FNBP4: variants seen among roughly 807,000 people sequenced by gnomAD.
FNBP4 encodes the protein formin binding protein 4, also known as formin-binding protein 4.
A neutral mutation model predicts 119.3 loss-of-function variants in FNBP4; 34 were observed. That is an observed-to-expected ratio of 0.28 (90% CI 0.22 to 0.38). The LOEUF is 0.38. Ranked by LOEUF, FNBP4 falls within the 10% of genes least tolerant of loss-of-function variation. The probability of loss-of-function intolerance (pLI) is 1.00; values close to 1 mark genes in which losing one functional copy is unlikely to be tolerated. For synonymous variants in FNBP4, 462 were observed against 430.6 expected (o/e 1.07, Z -0.90); for missense variants, 1,112 against 1,228.9 (o/e 0.90, Z 1.42).
rs763161901 is a variant in FNBP4 at position 47,743,945 on chromosome 11, CA to C, written c.1456+7del. On this transcript the variant is annotated splice_region_variant and intron_variant, in intron 8 of 16. Transcript: ENST00000263773. ...CAACTCTGAAGTTTAATGTGAAGCA[CA>C]AATTACCAGTTTCTCCATTTTCTGG... 7.4e-6 allele frequency: 12 copies of C among 1,612,908 alleles called. No individual in the cohort carries two copies. The highest frequency in any genetic ancestry group is 1.3e-5 in the African/African-American group (1 of 74,896).
At chr11:47,743,879 A>G (rs1161410509) in intron 8 of FNBP4, 74 bp downstream of exon 8, 5 of 1,378,542 alleles carry the variant, frequency 3.6e-6, no homozygotes, top group Non-Finnish European at 5.1e-6. Context: ...GTTGAAGAGG[A>G]AACAAAAAAA....
chr11:47,719,576 ATGTGTGTGTG>A (rs66711141), intron 16 of FNBP4, among the ~76,000 whole-genome samples: 1,835 of 147,650 alleles, frequency 0.012, 16 homozygotes, highest in Non-Finnish European at 0.018. Flanking sequence ...TTATGTGTGT[ATGTGTGTGTG>A]TGTGTGTGTG....
At chr11:47,741,273 T>G (rs961407779) in intron 8 of FNBP4, among the ~76,000 whole-genome samples, 4 of 151,564 alleles carry the variant, frequency 2.6e-5, no homozygotes, top group Admixed American at 6.6e-5. Context: ...GGGCTCAAGC[T>G]ATCTTCCTCC....
At chr11:47,742,477 CAAAAAAAAAAA>C (rs568784009) in intron 8 of FNBP4, among the ~76,000 whole-genome samples, 45 of 23,762 alleles carry the variant, frequency 1.9e-3, no homozygotes, top group Non-Finnish European at 2.4e-3. Context: ...GACTCCGTCT[CAAAAAAAAAAA>C]AAAAAAAAAA....
chr11:47,724,977 T>C (rs1442532937), intron 12 of FNBP4, 199 bp from the exon 13 acceptor site: 13 of 515,730 alleles, frequency 2.5e-5, no homozygotes, highest in Middle Eastern at 5.2e-4. Flanking sequence ...ATCTATTCTA[T>C]ACTGATATCG....
intron 12 of FNBP4, chr11:47,725,131 C>T (rs758199377): frequency 1.9e-4 from 32 of 170,084 alleles, no homozygotes; most frequent in African/African-American, 4.5e-4. Context: ...ATCAACTCAA[C>T]GAGAAATGCA....
rs780064080 is a variant in FNBP4 at position 47,751,245 on chromosome 11, G to A, written c.683C>T (p.Thr228Met). 6.8e-6 allele frequency: 11 copies of A among 1,613,958 alleles called. No individual in the cohort carries two copies. Among genetic ancestry groups the A allele is most frequent in the Middle Eastern group, 1.6e-4 (1 of 6,062 alleles). Residue 228 changes from threonine to methionine, a missense_variant, in exon 5 of 17, where the codon ACG becomes ATG. This residue lies in a region of FNBP4 where 826 missense variants were observed against 988.8 expected (regional missense o/e 0.84). Transcript: ENST00000263773. The part of the protein sequence containing the change: ...GDWQEVWDEN[T>M]GCYYYWNTQT... ...TGTATTCCAATAATAATAACATCCC[G>A]TGTTCTCATCCCAGACTTCCTGCCA...
At chr11:47,740,398 T>G (rs1250088823) in intron 8 of FNBP4, among the ~76,000 whole-genome samples, 2 of 150,190 alleles carry the variant, frequency 1.3e-5, no homozygotes, top group Non-Finnish European at 3.0e-5. Flanking sequence ...GGTGACAGAG[T>G]GAGACCCCGT....
intron 12 of FNBP4, chr11:47,729,053 T>C (rs369555994): frequency 3.9e-6 from 2 of 509,250 alleles, no homozygotes; most frequent in East Asian, 1.5e-4. Flanking sequence ...GGTTTCACCA[T>C]GTTGCCCAGG....
intron 14 of FNBP4, among the ~76,000 whole-genome samples, chr11:47,723,688 CT>C (rs1256445594): frequency 6.6e-6 from 1 of 152,078 alleles, no homozygotes; most frequent in African/African-American, 2.4e-5. Flanking sequence ...CCTCAGTCTC[CT>C]GAGTAGCCGG....
Position 47,751,206 on chromosome 11 carries a change from A to C in FNBP4, c.722T>G (p.Val241Gly), listed in dbSNP as rs753434150. Reference protein sequence around the residue: ...YYYWNTQTNEVTWELPQYLAT... With the variant: ...YYYWNTQTNEGTWELPQYLAT... ...AAGATATTGGGGTAACTCCCAAGTC[A>C]CTTCATTTGTTTGTGTATTCCAATA... Residue 241 changes from valine to glycine, a missense_variant, in exon 5 of 17, where the codon GTG (valine) becomes GGG (glycine). Physicochemically the swap from Val to Gly is moderately radical, Grantham distance 109 (BLOSUM62 -3). Coordinates refer to ENST00000263773, the MANE Select transcript of FNBP4 (RefSeq NM_015308.5). 6.2e-7 allele frequency: 1 copy of C among 1,614,024 alleles called. No individual in the cohort carries two copies. Among genetic ancestry groups the C allele is most frequent in the Admixed American group, 1.7e-5 (1 of 59,978 alleles).
intron 7 of FNBP4, among the ~76,000 whole-genome samples, chr11:47,744,849 C>A (rs1436874755): frequency 6.6e-6 from 1 of 151,968 alleles, no homozygotes; most frequent in Non-Finnish European, 1.5e-5. Flanking sequence ...TTTTCTGGTA[C>A]CCATTTGTAT....
At chr11:47,728,492 G>A (rs151189700) in intron 12 of FNBP4, among the ~76,000 whole-genome samples, 57 of 152,114 alleles carry the variant, frequency 3.7e-4, no homozygotes, top group African/African-American at 1.3e-3. Flanking sequence ...TGATCTGCGC[G>A]CCTTGGCCTC....
At chr11:47,728,490 G>A (rs576374096) in intron 12 of FNBP4, among the ~76,000 whole-genome samples, 4 of 151,126 alleles carry the variant, frequency 2.6e-5, no homozygotes, top group South Asian at 2.1e-4. Flanking sequence ...AGTGATCTGC[G>A]CGCCTTGGCC....
rs182938155 is a variant in FNBP4, at chr11:47,740,833, A to G, written c.1456+3120T>C. Among the ~76,000 whole-genome samples, 375 of 150,822 alleles carry G rather than the reference A, an allele frequency of 2.5e-3. 5 individuals carry two copies. The highest frequency in any genetic ancestry group is 0.014 in the Middle Eastern group (4 of 292). ...TCTCGATCTCCTGACCTCGTGATCC[A>G]CCTGCCACGGCCTCCCAAAGTGCTG... On this transcript the variant is annotated intron_variant, in intron 8 of 16. Coordinates refer to ENST00000263773, the MANE Select transcript of FNBP4 (RefSeq NM_015308.5).
Position 47,752,952 on chromosome 11 carries a change from C to G in FNBP4, c.601G>C (p.Gly201Arg), listed in dbSNP as rs1474063580. The change falls in exon 4 of 17, where the codon GGT becomes CGT. Residue 201 changes from glycine to arginine, a missense_variant. Physicochemically the swap from Gly to Arg is moderately radical, Grantham distance 125 (BLOSUM62 -2). Transcript: ENST00000263773. ...SNGTDSTQTSGWQYDTQCSLA... is the reference protein window; with the variant it reads ...SNGTDSTQTSRWQYDTQCSLA... ...GAACACTGAGTATCATATTGCCAACCAGATGTTTGGGTGGAGTCTGTTCCA... is the reference window on the plus strand; with the variant it reads ...GAACACTGAGTATCATATTGCCAACGAGATGTTTGGGTGGAGTCTGTTCCA... The G allele has an allele frequency of 1.2e-6, 2 of 1,613,674 alleles. No individual in the cohort carries two copies. Among genetic ancestry groups the G allele is most frequent in the South Asian group, 1.1e-5 (1 of 91,050 alleles).
intron 6 of FNBP4, among the ~76,000 whole-genome samples, 185 bp from the exon 7 acceptor site, chr11:47,746,579 A>G (rs1214825134): frequency 2.0e-5 from 3 of 152,012 alleles, no homozygotes; most frequent in Non-Finnish European, 4.4e-5. Flanking sequence ...CAGTGGCACA[A>G]TCTTGGCTCA....
At chr11:47,740,524 C>T (rs2097580419) in intron 8 of FNBP4, among the ~76,000 whole-genome samples, 1 of 151,626 alleles carries the variant, frequency 6.6e-6, no homozygotes, top group Non-Finnish European at 1.5e-5. Context: ...TGACCTCTAC[C>T]CTCATGGTGC....
rs1160059750 is a variant in FNBP4 at position 47,746,199 on chromosome 11, T to C, written c.1102A>G (p.Ile368Val). ...TSTTVEEATT[I>V]VKPQEIMLDN... Reference sequence around the variant, plus strand: ...AACATAATTTCCTGTGGCTTTACTATTGTTGTTGCTTCTTCTACTGTTGTA... The same window carrying C: ...AACATAATTTCCTGTGGCTTTACTACTGTTGTTGCTTCTTCTACTGTTGTA... The change falls in exon 7 of 17, where the codon ATA becomes GTA. Residue 368 changes from isoleucine to valine, a missense_variant. By Grantham distance (29) the Ile-to-Val change is conservative. Around this residue, in one of 2 missense-constraint regions of FNBP4, gnomAD observed 826 missense variants for 988.8 expected, o/e 0.84. Coordinates refer to ENST00000263773, the MANE Select transcript of FNBP4 (RefSeq NM_015308.5). 5 of 1,614,088 alleles carry C rather than the reference T, an allele frequency of 3.1e-6. No individual in the cohort carries two copies. The highest frequency in any genetic ancestry group is 4.5e-5 in the East Asian group (2 of 44,890).
Sources: allele counts gnomAD v4.1 joint callset (sites outside exome capture counted in the v4.1 genomes callset), GRCh38; gene constraint gnomAD v4.1.1; regional missense constraint gnomAD v4.1.1; transcripts MANE v1.5; gene names NCBI Gene and HGNC (gene_info 2026-07-23, HGNC 2026-07-21).